JAK1: variants seen among roughly 807,000 people sequenced by gnomAD.
JAK1 encodes tyrosine-protein kinase JAK1.
In JAK1, 16 loss-of-function variants were observed where a neutral mutation model predicts 136.6. The observed-to-expected ratio is 0.12, with a 90% CI of 0.08 to 0.18. JAK1 has a LOEUF of 0.18. JAK1 is among the 10% of genes least tolerant of loss of function. The pLI is 1.00. For missense variants in JAK1, 859 were observed against 1,450.1 expected (o/e 0.59, Z 6.62); for synonymous variants, 492 against 519.5 (o/e 0.95, Z 0.72).
chr1:64,924,418 T>C (rs1362322436), intron 1 of JAK1, among the ~76,000 whole-genome samples: 1 of 152,204 alleles, frequency 6.6e-6, no homozygotes, highest in African/African-American at 2.4e-5. Flanking sequence ...CACAGGACTA[T>C]TGCTGTGCAC....
chr1:65,009,468 T>C (rs141203323), intron 2 of JAK1, among the ~76,000 whole-genome samples: 40 of 152,224 alleles, frequency 2.6e-4, no homozygotes, highest in African/African-American at 8.9e-4. Flanking sequence ...TACAAATGTA[T>C]CATTAAAAAT....
chr1:64,928,857 G>A (rs1414223499), intron 1 of JAK1, among the ~76,000 whole-genome samples: 1 of 142,244 alleles, frequency 7.0e-6, no homozygotes, highest in Non-Finnish European at 1.5e-5. Flanking sequence ...ATATATTAAT[G>A]ATTTTAGAGA....
chr1:65,059,392 A>G (rs1028065881), intron 1 of JAK1, among the ~76,000 whole-genome samples: 1 of 152,218 alleles, frequency 6.6e-6, no homozygotes, highest in Non-Finnish European at 1.5e-5. Context: ...GGGGCTTTAT[A>G]ATTAAGAAGA....
intron 2 of JAK1, among the ~76,000 whole-genome samples, chr1:65,013,602 A>T (rs1204999206): frequency 6.6e-6 from 1 of 152,170 alleles, no homozygotes; most frequent in Non-Finnish European, 1.5e-5. Context: ...GTCCAAAAGA[A>T]TTCAAGCCAC....
chr1:64,863,347 CG>C (rs1189665714), intron 8 of JAK1, among the ~76,000 whole-genome samples: 2 of 149,644 alleles, frequency 1.3e-5, no homozygotes, highest in Non-Finnish European at 3.0e-5. Flanking sequence ...GCATATGACA[CG>C]GGGCCTAATA....
At chr1:64,913,611 T>A (rs957836699) in intron 1 of JAK1, among the ~76,000 whole-genome samples, 1 of 136,940 alleles carries the variant, frequency 7.3e-6, no homozygotes, top group African/African-American at 2.9e-5. Flanking sequence ...TATGGCAAGA[T>A]TCCATTTGGG....
intron 2 of JAK1, among the ~76,000 whole-genome samples, chr1:65,033,725 C>CAAAAAAAAAAAA: frequency 1.1e-5 from 1 of 89,256 alleles, no homozygotes; most frequent in Non-Finnish European, 2.3e-5. Context: ...CCCGTAGTAC[C>CAAAAAAAAAAAA]AAAAAAAAAA....
chr1:65,052,875 A>AAAG (rs1553185055), intron 1 of JAK1, among the ~76,000 whole-genome samples: 18 of 147,564 alleles, frequency 1.2e-4, no homozygotes, highest in Admixed American at 2.7e-4. Flanking sequence ...AAAAAAAAAA[A>AAAG]AAAAAATTAG....
intron 1 of JAK1, among the ~76,000 whole-genome samples, chr1:64,950,213 T>G (rs1646058683): frequency 6.6e-6 from 1 of 151,970 alleles, no homozygotes; most frequent in Admixed American, 6.6e-5. Flanking sequence ...ATCGAGACCA[T>G]CCTGGCCAAC....
chr1:64,918,987 A>G (rs574856481), intron 1 of JAK1, among the ~76,000 whole-genome samples: 1 of 152,326 alleles, frequency 6.6e-6, no homozygotes, highest in East Asian at 1.9e-4. Flanking sequence ...ATGTTGAAAT[A>G]GGATATTAAT....
rs529707840 is a variant in JAK1, at chr1:65,046,715, G to A, written c.-180-2133C>T. Among the ~76,000 whole-genome samples the A allele has an allele frequency of 2.6e-4, 40 of 151,716 alleles. 1 individual carries two copies. Among genetic ancestry groups the A allele is most frequent in the African/African-American group, 9.7e-4 (40 of 41,380 alleles). ...GGTCTCTCACAGCTCTGAAATTCTG[G>A]TTTTTTGTGTTTTTAGTAGAGATGG... On this transcript the variant is annotated intron_variant, in intron 1 of 25. Transcript: ENST00000671954.
At chr1:64,879,610 C>A (rs1260741889) in intron 3 of JAK1, among the ~76,000 whole-genome samples, 2 of 152,284 alleles carry the variant, frequency 1.3e-5, no homozygotes, top group East Asian at 3.9e-4. Flanking sequence ...ATACATCAGA[C>A]ATGCAAACAA....
intron 1 of JAK1, among the ~76,000 whole-genome samples, chr1:65,046,390 A>G (rs1222698426): frequency 6.6e-6 from 1 of 152,240 alleles, no homozygotes; most frequent in African/African-American, 2.4e-5. Flanking sequence ...AAAGATGCCA[A>G]GCCAGGAGTG....
chr1:64,968,842 G>C (rs1158373693), upstream of JAK1, among the ~76,000 whole-genome samples: 1 of 145,884 alleles, frequency 6.9e-6, no homozygotes, highest in Non-Finnish European at 1.5e-5. Flanking sequence ...TGAGGCACAA[G>C]AATCGCTTGA....
In JAK1 at chr1:64,834,653, T is replaced by C; in HGVS notation, c.3374A>G (p.Tyr1125Cys). The C allele has an allele frequency of 6.2e-7, 1 of 1,601,246 alleles. No homozygotes were observed. Residue 1125 changes from tyrosine (Y) to cysteine (C), a missense_variant, in exon 25 of 25, where the codon TAT becomes TGT. Physicochemically the swap from Tyr to Cys is radical, Grantham distance 194. Around this residue, in one of 4 missense-constraint regions of JAK1, gnomAD observed 53 missense variants for 64.8 expected, o/e 0.82. Transcript: ENST00000342505. ...PCPPNCPDEV[Y>C]QLMRKCWEFQ... ...TTCCCAGCATTTCCTCATAAGTTGA[T>C]AAACCTGTAAAAAGAAAGAAGTAAC...
chr1:65,008,741 G>A (rs1326580411), intron 2 of JAK1, among the ~76,000 whole-genome samples: 2 of 151,852 alleles, frequency 1.3e-5, no homozygotes, highest in East Asian at 3.9e-4. Context: ...TGGCTGGAGT[G>A]CAGTGGCATG....
intron 17 of JAK1, among the ~76,000 whole-genome samples, chr1:64,843,001 TC>T (rs1655005235): frequency 6.6e-6 from 1 of 152,072 alleles, no homozygotes; most frequent in Non-Finnish European, 1.5e-5. Flanking sequence ...TCCAGGTCTC[TC>T]CTCTGTCCAT....
chr1:64,970,322 T>G (rs911373526), upstream of JAK1, among the ~76,000 whole-genome samples: 2 of 151,082 alleles, frequency 1.3e-5, no homozygotes, highest in African/African-American at 2.4e-5. Flanking sequence ...GCACCTGTAA[T>G]TCCAGCTTCT....
At chr1:64,980,792 C>T (rs1462271712) in intron 2 of JAK1, among the ~76,000 whole-genome samples, 1 of 151,190 alleles carries the variant, frequency 6.6e-6, no homozygotes, top group Non-Finnish European at 1.5e-5. Flanking sequence ...TCTCATTGTT[C>T]AGTTCCCACC....
Sources: gnomAD v4.1 joint callset for allele counts (sites outside exome capture counted in the v4.1 genomes callset) on GRCh38, gnomAD v4.1.1 for gene constraint, gnomAD v4.1.1 regional missense constraint, MANE v1.5 for transcripts, NCBI Gene and HGNC (gene_info 2026-07-23, HGNC 2026-07-21) for gene names.